The following RALYL variants were observed in gnomAD, a reference collection of about 807,000 sequenced individuals.
RALYL encodes the protein RALY RNA binding protein like, also known as RNA-binding Raly-like protein.
A neutral mutation model predicts 35.1 loss-of-function variants in RALYL; 29 were observed. The ratio of observed to expected loss-of-function variants is 0.83; its 90% CI spans 0.61 to 1.13. The LOEUF is 1.13. RALYL is among the 50% of genes most tolerant of loss of function. The probability of loss-of-function intolerance (pLI) is 0.00; values close to 1 mark genes in which losing one functional copy is unlikely to be tolerated. For missense variants in RALYL, 359 were observed against 360.4 expected, an observed-to-expected ratio of 1.00 and a Z score of 0.03; for synonymous variants, 120 against 127.6, an observed-to-expected ratio of 0.94 and a Z score of 0.40.
rs952736626 is a variant in RALYL, at chr8:84,551,074, A to G, written c.256+21497A>G. Among the ~76,000 whole-genome samples, 56 of 151,988 alleles carry G rather than the reference A, an allele frequency of 3.7e-4. No homozygotes were observed. The East Asian group carries it at 9.7e-3, about 26-fold the overall frequency. ...AAAAGAATATGGCAGGTTTTTTTCT[A>G]TTTTTCCACTGAATAACTCTAGTTT... On this transcript the variant is annotated intron_variant, in intron 2 of 8. Transcript: ENST00000521268.
chr8:84,218,104 C>T (rs1256206475), intron 1 of RALYL, among the ~76,000 whole-genome samples: 1 of 151,956 alleles, frequency 6.6e-6, no homozygotes, highest in Non-Finnish European at 1.5e-5. Context: ...CATTTTACTT[C>T]ACCATTTGTG....
chr8:84,676,216 A>G (rs1834162861), intron 2 of RALYL, among the ~76,000 whole-genome samples: 1 of 152,242 alleles, frequency 6.6e-6, no homozygotes, highest in Non-Finnish European at 1.5e-5. Flanking sequence ...TGCAATTGCA[A>G]AAACCAGGAA....
At chr8:84,518,211 T>C (rs2058203118) in intron 1 of RALYL, among the ~76,000 whole-genome samples, 1 of 151,948 alleles carries the variant, frequency 6.6e-6, no homozygotes, top group Non-Finnish European at 1.5e-5. Context: ...AGTAAGATCT[T>C]AGCAAACTTT....
intron 2 of RALYL, among the ~76,000 whole-genome samples, chr8:84,543,297 A>G (rs1281844480): frequency 6.6e-6 from 1 of 151,936 alleles, no homozygotes; most frequent in Non-Finnish European, 1.5e-5. Context: ...TTCTAAAAAG[A>G]GAAATATTTT....
chr8:84,481,363 T>A (rs989960915), intron 1 of RALYL, among the ~76,000 whole-genome samples: 4 of 152,168 alleles, frequency 2.6e-5, no homozygotes, highest in Non-Finnish European at 5.9e-5. Flanking sequence ...AGGATCTTGA[T>A]CTGTTACCCA....
chr8:84,702,537 TCTCACACA>T (rs1840381622), intron 2 of RALYL, among the ~76,000 whole-genome samples: 1 of 143,610 alleles, frequency 7.0e-6, no homozygotes, highest in African/African-American at 2.6e-5. Context: ...TCTCTCTCTC[TCTCACACA>T]CACACACACA....
intron 2 of RALYL, among the ~76,000 whole-genome samples, chr8:84,683,982 G>C (rs13258376): frequency 6.6e-6 from 1 of 152,074 alleles, no homozygotes; most frequent in Admixed American, 6.6e-5. Flanking sequence ...GATTACAGGC[G>C]TTGAGCCATG....
intron 1 of RALYL, among the ~76,000 whole-genome samples, chr8:84,205,131 T>G (rs2131065796): frequency 6.6e-6 from 1 of 152,346 alleles, no homozygotes; most frequent in Admixed American, 6.5e-5. Context: ...GCCCTTTCGT[T>G]TTATATACAT....
intron 1 of RALYL, among the ~76,000 whole-genome samples, chr8:84,246,781 T>C (rs1829181593): frequency 6.6e-6 from 1 of 152,174 alleles, no homozygotes; most frequent in East Asian, 1.9e-4. Flanking sequence ...AATACCTGGA[T>C]GTGGAGGAGG....
Position 84,706,755 on chromosome 8 carries a change from CAA to C in RALYL, c.257-67821_257-67820del, listed in dbSNP as rs143515386. On this transcript the variant is annotated intron_variant, in intron 2 of 8. Coordinates refer to ENST00000521268, the MANE Select transcript of RALYL (RefSeq NM_173848.7). The stretch of plus-strand genomic sequence containing the variant: ...AAGCTATCAGGATCTTGCTAAAAAT[CAA>C]AAGATTGTTATAACACTATTTTACG... Among the ~76,000 whole-genome samples the C allele has an allele frequency of 4.0e-3, 606 of 152,224 alleles. 5 individuals carry two copies. Among genetic ancestry groups the C allele is most frequent in the African/African-American group, 0.014 (587 of 41,558 alleles).
At chr8:84,668,298 A>G (rs1375604212) in intron 2 of RALYL, among the ~76,000 whole-genome samples, 1 of 152,186 alleles carries the variant, frequency 6.6e-6, no homozygotes, top group Non-Finnish European at 1.5e-5. Flanking sequence ...GCCCAGAACA[A>G]GAAAGTAATA....
chr8:84,835,350 T>C (rs947569341), intron 4 of RALYL, among the ~76,000 whole-genome samples: 3 of 151,838 alleles, frequency 2.0e-5, no homozygotes, highest in African/African-American at 4.8e-5. Flanking sequence ...GGGGAAGATG[T>C]GGAGCTTGAT....
intron 2 of RALYL, among the ~76,000 whole-genome samples, chr8:84,744,145 G>A (rs1808052014): frequency 6.6e-6 from 1 of 151,954 alleles, no homozygotes. Flanking sequence ...AGAGGAAATG[G>A]GCAGGAGATA....
intron 2 of RALYL, among the ~76,000 whole-genome samples, chr8:84,618,203 G>A (rs1325527757): frequency 6.6e-6 from 1 of 151,806 alleles, no homozygotes; most frequent in Non-Finnish European, 1.5e-5. Flanking sequence ...GTAGAATTCG[G>A]CTGTGAATCC....
chr8:84,426,438 C>CTCTG (rs1425109163), intron 1 of RALYL, among the ~76,000 whole-genome samples: 11,445 of 136,018 alleles, frequency 0.084, 638 homozygotes, highest in Non-Finnish European at 0.13. Context: ...CTCTCTCTCT[C>CTCTG]TGTGTGTGTG....
intron 1 of RALYL, among the ~76,000 whole-genome samples, chr8:84,512,693 G>C (rs2057723309): frequency 6.6e-6 from 1 of 151,970 alleles, no homozygotes; most frequent in Non-Finnish European, 1.5e-5. Context: ...AATCCATTTT[G>C]GTTTATTTTT....
chr8:84,700,937 A>C (rs1840075078), intron 2 of RALYL, among the ~76,000 whole-genome samples: 1 of 152,192 alleles, frequency 6.6e-6, no homozygotes, highest in Non-Finnish European at 1.5e-5. Context: ...AACCTGAGGA[A>C]AGTATTCATA....
intron 2 of RALYL, among the ~76,000 whole-genome samples, chr8:84,573,914 A>T (rs1808676012): frequency 6.6e-6 from 1 of 151,446 alleles, no homozygotes; most frequent in Non-Finnish European, 1.5e-5. Context: ...TTTTCTTTTA[A>T]TTTTAGGCTT....
chr8:84,782,239 C>T (rs909856031), intron 3 of RALYL, among the ~76,000 whole-genome samples: 2 of 152,156 alleles, frequency 1.3e-5, no homozygotes, highest in Non-Finnish European at 2.9e-5. Context: ...TTCAAATTAC[C>T]ACACAGCTGC....
Sources: allele counts gnomAD v4.1 joint callset (sites outside exome capture counted in the v4.1 genomes callset), GRCh38; gene constraint gnomAD v4.1.1; transcripts MANE v1.5; gene names NCBI Gene and HGNC (gene_info 2026-07-23, HGNC 2026-07-21).